Variants in BTBD1 observed in about 807,000 individuals in gnomAD.
The protein encoded by BTBD1 is BTB domain containing 1, also known as BTB/POZ domain-containing protein 1.
Under a neutral mutation model 48.0 loss-of-function variants are expected in BTBD1, and 34 were observed. That is an observed-to-expected ratio of 0.71 (90% CI 0.54 to 0.94). The LOEUF (loss-of-function observed/expected upper bound fraction) is 0.94, where lower values mean the gene tolerates loss of function less well. Ranked by LOEUF, BTBD1 falls within the 40% of genes least tolerant of loss-of-function variation. BTBD1 has a pLI of 0.00. For missense variants in BTBD1, 543 were observed against 625.6 expected, an observed-to-expected ratio of 0.87 and a Z score of 1.41; for synonymous variants, 261 against 242.1, an observed-to-expected ratio of 1.08 and a Z score of -0.72.
chr15:83,056,704 TATCC>T (rs55788185), intron 1 of BTBD1, among the ~76,000 whole-genome samples, 159 bp from the exon 2 acceptor site: 11 of 112,400 alleles, frequency 9.8e-5, no homozygotes, highest in South Asian at 3.4e-4. Context: ...TCCATTCATC[TATCC>T]ATCCATCCAT....
At chr15:83,020,618 T>TA in intron 6 of BTBD1, 57 bp downstream of exon 6, 4 of 1,187,740 alleles carry the variant, frequency 3.4e-6, no homozygotes, top group Non-Finnish European at 4.9e-6. Flanking sequence ...AACAATATCT[T>TA]AAAGTTACCT....
At chr15:83,056,834 A>C (rs951257227) in intron 1 of BTBD1, among the ~76,000 whole-genome samples, 5 of 151,692 alleles carry the variant, frequency 3.3e-5, no homozygotes, top group African/African-American at 1.2e-4. Flanking sequence ...AGTAGCTGGC[A>C]CTACAAGTTT....
intron 1 of BTBD1, among the ~76,000 whole-genome samples, chr15:83,062,324 G>A (rs1361449835): frequency 1.3e-5 from 2 of 152,082 alleles, no homozygotes; most frequent in Admixed American, 6.6e-5. Flanking sequence ...AAAATGGAGA[G>A]GCAGGTAAAA....
chr15:83,022,063 A>C (rs1782885621), intron 5 of BTBD1, among the ~76,000 whole-genome samples: 1 of 152,026 alleles, frequency 6.6e-6, no homozygotes, highest in Non-Finnish European at 1.5e-5. Flanking sequence ...TTTTTTTTAA[A>C]GAGATGGAGT....
chr15:83,058,577 C>G (rs1181638199), intron 1 of BTBD1, among the ~76,000 whole-genome samples: 1 of 151,698 alleles, frequency 6.6e-6, no homozygotes, highest in Admixed American at 6.6e-5. Flanking sequence ...ACACTGCACT[C>G]TAGCCCGGCC....
intron 5 of BTBD1, among the ~76,000 whole-genome samples, chr15:83,025,049 AT>A (rs1418787478): frequency 2.0e-5 from 3 of 152,128 alleles, no homozygotes; most frequent in Non-Finnish European, 4.4e-5. Context: ...ACTCTTCCAA[AT>A]TAACTGTTAA....
chr15:83,043,254 A>T (rs1386425710), intron 3 of BTBD1, among the ~76,000 whole-genome samples: 1 of 152,208 alleles, frequency 6.6e-6, no homozygotes, highest in Non-Finnish European at 1.5e-5. Flanking sequence ...ATAGTATTCC[A>T]GGACTAAAAG....
In BTBD1 at chr15:83,017,675, C is replaced by G. The variant is rs1397897096; in HGVS notation, c.*392G>C. Reference sequence around the variant, plus strand: ...TCATCCAACCTTCAAAATAGTTAAGCCTATTTGCCCATCTCACCTAACCTT... The same window carrying G: ...TCATCCAACCTTCAAAATAGTTAAGGCTATTTGCCCATCTCACCTAACCTT... On this transcript the variant is annotated 3_prime_UTR_variant, in exon 8 of 8. Coordinates refer to ENST00000261721, the MANE Select transcript of BTBD1 (RefSeq NM_025238.4). 1 of 153,012 alleles carries G rather than the reference C, an allele frequency of 6.5e-6. No individual in the cohort carries two copies. The highest frequency in any genetic ancestry group is 2.4e-5 in the African/African-American group (1 of 41,412). 9.5% of individuals were successfully genotyped at this position (153,012 alleles called of 1,614,324 possible).
At chr15:83,019,961 C>T in intron 6 of BTBD1, among the ~76,000 whole-genome samples, 1 of 96,644 alleles carries the variant, frequency 1.0e-5, no homozygotes, top group African/African-American at 4.4e-5. Flanking sequence ...CAGAGCAAGA[C>T]TCCATCTCAA....
chr15:83,052,417 C>A (rs892300200), intron 2 of BTBD1, among the ~76,000 whole-genome samples: 1 of 152,054 alleles, frequency 6.6e-6, no homozygotes, highest in African/African-American at 2.4e-5. Context: ...TAAGGATATT[C>A]TCTTACATAA....
At position 83,048,195 on chromosome 15, in the gene BTBD1, G is replaced by A. The variant is rs571294775; in HGVS notation, c.664+1878C>T. ...GAAAGAATAACCAAGAATAACAGGA[G>A]TTTTTAGCCCAAGCAATCAGGTTCA... On this transcript the variant is annotated intron_variant, in intron 3 of 7. Transcript: ENST00000261721. 6.6e-4 allele frequency among the ~76,000 whole-genome samples: 101 copies of A among 152,280 alleles called. 1 individual carries two copies. Among genetic ancestry groups the A allele is most frequent in the African/African-American group, 2.3e-3 (94 of 41,570 alleles).
intron 5 of BTBD1, chr15:83,028,530 C>T (rs2032455394): frequency 6.6e-6 from 1 of 151,970 alleles, no homozygotes; most frequent in Non-Finnish European, 1.5e-5. Flanking sequence ...AAGGGTTATG[C>T]TTCCTTCAAT....
rs1401560944 is a variant in BTBD1 at position 83,018,235 on chromosome 15, A to C, written c.1291-10T>G. On this transcript the variant is annotated splice_polypyrimidine_tract_variant and intron_variant, in intron 7 of 7. Transcript: ENST00000261721. ...AGTGGGAATCTGGACCCTAAATGAG[A>C]ACAAAAGGTTCCTTAGTAATTTTCA... The C allele has an allele frequency of 6.5e-7, 1 of 1,546,714 alleles. No individual in the cohort carries two copies. Among genetic ancestry groups the C allele is most frequent in the Admixed American group, 2.0e-5 (1 of 50,120 alleles).
chr15:83,019,529 A>G (rs2032243596), intron 6 of BTBD1, among the ~76,000 whole-genome samples: 1 of 150,568 alleles, frequency 6.6e-6, no homozygotes, highest in Non-Finnish European at 1.5e-5. Flanking sequence ...ATACTTCATA[A>G]TTTTAATGTA....
chr15:83,021,768 A>ATAATAATAATAATAATAAT (rs1555438327), intron 5 of BTBD1, among the ~76,000 whole-genome samples: 7 of 150,970 alleles, frequency 4.6e-5, no homozygotes, highest in African/African-American at 1.7e-4. Flanking sequence ...AATAATAATA[A>ATAATAATAATAATAATAAT]TACATATGGA....
chr15:83,023,815 A>C (rs1276522485), intron 5 of BTBD1, among the ~76,000 whole-genome samples: 2 of 152,074 alleles, frequency 1.3e-5, no homozygotes, highest in African/African-American at 4.8e-5. Flanking sequence ...AATATTTTTC[A>C]TTTTCTTTTG....
intron 5 of BTBD1, 41 bp from the exon 6 acceptor site, chr15:83,020,803 T>C: frequency 1.6e-6 from 2 of 1,246,288 alleles, no homozygotes; most frequent in East Asian, 2.3e-5. Flanking sequence ...ATTAATCCCA[T>C]GTGTTCATAT....
At chr15:83,039,683 T>A (rs763480110) in intron 4 of BTBD1, among the ~76,000 whole-genome samples, 6 of 149,360 alleles carry the variant, frequency 4.0e-5, no homozygotes, top group Admixed American at 1.3e-4. Flanking sequence ...GAGGCTGAGG[T>A]GGGAGAATTG....
At chr15:83,057,732 G>A (rs569303768) in intron 1 of BTBD1, among the ~76,000 whole-genome samples, 3 of 152,322 alleles carry the variant, frequency 2.0e-5, no homozygotes, top group South Asian at 2.1e-4. Context: ...TTGAGGATCC[G>A]CTGTTGTGTT....
Sources: gnomAD v4.1 joint callset for allele counts (sites outside exome capture counted in the v4.1 genomes callset) on GRCh38, gnomAD v4.1.1 for gene constraint, MANE v1.5 for transcripts, NCBI Gene and HGNC (gene_info 2026-07-23, HGNC 2026-07-21) for gene names.